TMEM132C: variants seen among roughly 807,000 people sequenced by gnomAD.
TMEM132C encodes the protein transmembrane protein 132C.
In TMEM132C, 29 loss-of-function variants were observed where a neutral mutation model predicts 61.4. That is an observed-to-expected ratio of 0.47 (90% CI 0.35 to 0.64). The LOEUF is 0.64. Ranked by LOEUF, TMEM132C falls within the 30% of genes least tolerant of loss-of-function variation. The probability of loss-of-function intolerance (pLI) is 0.00; values close to 1 mark genes in which losing one functional copy is unlikely to be tolerated. For missense variants in TMEM132C, 1,408 were observed against 1,476.9 expected, an observed-to-expected ratio of 0.95 and a Z score of 0.76; for synonymous variants, 656 against 633.1, an observed-to-expected ratio of 1.04 and a Z score of -0.54.
chr12:128,486,350 G>T (rs1171616696), intron 2 of TMEM132C, among the ~76,000 whole-genome samples: 1 of 152,094 alleles, frequency 6.6e-6, no homozygotes. Flanking sequence ...AGAGCTGGGG[G>T]AATCTACCCT....
chr12:128,443,819 G>A (rs1367344225), intron 2 of TMEM132C, among the ~76,000 whole-genome samples: 1 of 152,172 alleles, frequency 6.6e-6, no homozygotes, highest in Non-Finnish European at 1.5e-5. Context: ...CCAGCTGCCC[G>A]GAATGCTCCG....
intron 1 of TMEM132C, among the ~76,000 whole-genome samples, chr12:128,405,549 C>T (rs1875312324): frequency 6.6e-6 from 1 of 152,190 alleles, no homozygotes; most frequent in Admixed American, 6.5e-5. Flanking sequence ...GCTGTATCTT[C>T]AGCAACCAAC....
At chr12:128,306,043 C>T (rs930354008) in intron 1 of TMEM132C, among the ~76,000 whole-genome samples, 4 of 152,028 alleles carry the variant, frequency 2.6e-5, no homozygotes, top group Non-Finnish European at 5.9e-5. Flanking sequence ...ATATTCATCC[C>T]GATAGTGCTG....
chr12:128,273,029 G>T (rs945714533), intron 1 of TMEM132C, among the ~76,000 whole-genome samples: 4 of 152,188 alleles, frequency 2.6e-5, no homozygotes, highest in Non-Finnish European at 4.4e-5. Flanking sequence ...GTTTTTTGGT[G>T]TCACATCTAA....
In TMEM132C at chr12:128,317,043, C is replaced by T. The variant is rs115748585; in HGVS notation, c.85+49556C>T. Reference sequence around the variant, plus strand: ...AAATATCCTGAGGGCTTGATCTTTTCTGTTGCTCAGTAACCAAATCTGTTT... The same window carrying T: ...AAATATCCTGAGGGCTTGATCTTTTTTGTTGCTCAGTAACCAAATCTGTTT... On this transcript the variant is annotated intron_variant, in intron 1 of 8. Transcript: ENST00000435159. 4.0e-3 allele frequency among the ~76,000 whole-genome samples: 603 copies of T among 152,288 alleles called. 5 individuals carry two copies. The highest frequency in any genetic ancestry group is 0.014 in the African/African-American group (580 of 41,568).
Position 128,528,018 on chromosome 12 carries a change from C to T in TMEM132C, c.975-15939C>T, listed in dbSNP as rs367801722. Among the ~76,000 whole-genome samples the T allele has an allele frequency of 7.2e-5, 11 of 152,186 alleles. No homozygotes were observed. The East Asian group carries it at 1.5e-3, about 21-fold the overall frequency. On this transcript the variant is annotated intron_variant, in intron 2 of 8. Transcript: ENST00000435159. ...TTTTTAAAAAGTAATTCAAGGAAAA[C>T]ACTTAGAAGAGAGCCTGGCTGATAC...
chr12:128,674,340 T>G (rs1954563105), intron 5 of TMEM132C, among the ~76,000 whole-genome samples: 1 of 152,258 alleles, frequency 6.6e-6, no homozygotes, highest in Admixed American at 6.5e-5. Flanking sequence ...TACCATATTG[T>G]GTTCATCCAT....
At chr12:128,665,949 G>GCA (rs904729277) in intron 4 of TMEM132C, among the ~76,000 whole-genome samples, 2,068 of 98,744 alleles carry the variant, frequency 0.021, 81 homozygotes, top group African/African-American at 0.079. Context: ...ACAAACACAG[G>GCA]CACACACACA....
At chr12:128,699,863 G>C (rs1449150249) in intron 8 of TMEM132C, among the ~76,000 whole-genome samples, 1 of 152,174 alleles carries the variant, frequency 6.6e-6, no homozygotes, top group Non-Finnish European at 1.5e-5. Context: ...GGAGGGACCT[G>C]GGGTGCATGC....
intron 8 of TMEM132C, among the ~76,000 whole-genome samples, chr12:128,704,295 T>C (rs973642069): frequency 2.0e-5 from 3 of 152,192 alleles, no homozygotes; most frequent in African/African-American, 7.2e-5. Context: ...TTTACATAGC[T>C]GTTGGGTCAC....
At chr12:128,640,971 G>T (rs1158023691) in intron 4 of TMEM132C, among the ~76,000 whole-genome samples, 1 of 152,160 alleles carries the variant, frequency 6.6e-6, no homozygotes, top group East Asian at 1.9e-4. Context: ...AAAGTGTGCT[G>T]CAGGCTAGCT....
chr12:128,451,650 G>A lies in TMEM132C; in HGVS notation c.974+36030G>A, dbSNP rs577629782. 9.9e-4 allele frequency among the ~76,000 whole-genome samples: 150 copies of A among 152,098 alleles called. 2 individuals carry two copies. In the Middle Eastern group the frequency reaches 0.01, roughly 10 times the overall value. ...GAAGGGGAGTAAGCATTGCACTTTC[G>A]GTCTGTACAAACAATATTGATTTAT... On this transcript the variant is annotated intron_variant, in intron 2 of 8. Transcript: ENST00000435159.
intron 2 of TMEM132C, among the ~76,000 whole-genome samples, chr12:128,439,900 A>G (rs1033512196): frequency 3.9e-5 from 6 of 152,292 alleles, no homozygotes; most frequent in Middle Eastern, 6.8e-3. Context: ...TCCTTCGAGA[A>G]TGGTCATATG....
At chr12:128,327,629 C>T (rs1202783148) in intron 1 of TMEM132C, among the ~76,000 whole-genome samples, 1 of 152,126 alleles carries the variant, frequency 6.6e-6, no homozygotes, top group Non-Finnish European at 1.5e-5. Flanking sequence ...GTGATCTGCC[C>T]ACCTCAGGCT....
intron 1 of TMEM132C, among the ~76,000 whole-genome samples, chr12:128,406,270 C>T (rs537594936): frequency 1.2e-4 from 19 of 152,302 alleles, no homozygotes; most frequent in Non-Finnish European, 2.8e-4. Flanking sequence ...CCCCATCTGG[C>T]TTGCTTCATG....
At position 128,648,425 on chromosome 12, in the gene TMEM132C, T is replaced by C. The variant is rs187490145; in HGVS notation, c.1306-20992T>C. ...ATCCCATCAGTGTTGGATGTGAGTGTGTTTACTGGAGTCCATCAGCGTTGG... is the reference window on the plus strand; with the variant it reads ...ATCCCATCAGTGTTGGATGTGAGTGCGTTTACTGGAGTCCATCAGCGTTGG... On this transcript the variant is annotated intron_variant, in intron 4 of 8. Coordinates refer to ENST00000435159, the MANE Select transcript of TMEM132C (RefSeq NM_001136103.3). Among the ~76,000 whole-genome samples, 508 of 152,132 alleles carry C rather than the reference T, an allele frequency of 3.3e-3. 1 individual carries two copies. Among genetic ancestry groups the C allele is most frequent in the Admixed American group, 5.7e-3 (87 of 15,296 alleles).
At chr12:128,631,513 T>A (rs149340347) in intron 4 of TMEM132C, among the ~76,000 whole-genome samples, 316 of 152,334 alleles carry the variant, frequency 2.1e-3, no homozygotes, top group African/African-American at 7.3e-3. Flanking sequence ...TTTCAGATTG[T>A]GTGAAATCTG....
intron 3 of TMEM132C, among the ~76,000 whole-genome samples, chr12:128,564,908 G>A (rs894742900): frequency 3.9e-5 from 6 of 152,132 alleles, no homozygotes; most frequent in Non-Finnish European, 8.8e-5. Context: ...AAACAATCCT[G>A]TCCTCTTCCA....
In TMEM132C at chr12:128,475,716, A is replaced by G. The variant is rs368335658; in HGVS notation, c.974+60096A>G. On this transcript the variant is annotated intron_variant, in intron 2 of 8. Coordinates refer to ENST00000435159, the MANE Select transcript of TMEM132C (RefSeq NM_001136103.3). ...TCAGTTCTTTCAAATATGTATCGCAATATTTGCTGGTCCCTTCATCTGTGC... is the reference window on the plus strand; with the variant it reads ...TCAGTTCTTTCAAATATGTATCGCAGTATTTGCTGGTCCCTTCATCTGTGC... 6.2e-3 allele frequency among the ~76,000 whole-genome samples: 951 copies of G among 152,272 alleles called. 10 individuals carry two copies. The highest frequency in any genetic ancestry group is 0.043 in the South Asian group (209 of 4,824).
Sources: allele counts gnomAD v4.1 joint callset (sites outside exome capture counted in the v4.1 genomes callset), GRCh38; gene constraint gnomAD v4.1.1; transcripts MANE v1.5; gene names NCBI Gene and HGNC (gene_info 2026-07-23, HGNC 2026-07-21).